The following EYS variants were observed in gnomAD, a reference collection of about 807,000 sequenced individuals.
EYS encodes the protein EGF-like photoreceptor maintenance factor.
Under a neutral mutation model 282.1 loss-of-function variants are expected in EYS, and 250 were observed. The observed-to-expected ratio is 0.89, with a 90% CI of 0.80 to 0.98. EYS has a LOEUF of 0.98. Among genes scored for constraint, EYS ranks in the 50% least tolerant of loss-of-function variants. The probability of loss-of-function intolerance (pLI) is 0.00; values close to 1 mark genes in which losing one functional copy is unlikely to be tolerated. For missense variants in EYS, 4,016 were observed against 3,709.0 expected (o/e 1.08, Z -2.15); for synonymous variants, 1,355 against 1,282.9 (o/e 1.06, Z -1.20).
chr6:64,258,431 A>T (rs1483316059), intron 30 of EYS, among the ~76,000 whole-genome samples: 1 of 152,076 alleles, frequency 6.6e-6, no homozygotes, highest in Non-Finnish European at 1.5e-5. Context: ...ACTGTTTAAT[A>T]CAAATGCAGG....
At chr6:64,678,723 G>A (rs1309211215) in intron 22 of EYS, among the ~76,000 whole-genome samples, 2 of 151,548 alleles carry the variant, frequency 1.3e-5, no homozygotes, top group East Asian at 3.9e-4. Flanking sequence ...AGTGGCTCTC[G>A]CCTGTCATCC....
intron 22 of EYS, among the ~76,000 whole-genome samples, chr6:64,787,499 T>C (rs1176586116): frequency 6.6e-6 from 1 of 151,880 alleles, no homozygotes; most frequent in Non-Finnish European, 1.5e-5. Context: ...ATTTTCTGTT[T>C]TCTTTTCATT....
At chr6:65,271,152 A>ATATATATATATATATG (rs1237319889) in intron 12 of EYS, among the ~76,000 whole-genome samples, 2 of 138,698 alleles carry the variant, frequency 1.4e-5, no homozygotes, top group African/African-American at 5.2e-5. Context: ...ATATATATAT[A>ATATATATATATATATG]TGAAGATTTA....
chr6:64,851,068 T>C (rs1421569091), intron 19 of EYS, among the ~76,000 whole-genome samples: 1 of 152,078 alleles, frequency 6.6e-6, no homozygotes, highest in Admixed American at 6.6e-5. Flanking sequence ...TCAATTAGCA[T>C]ATTTAACAAG....
chr6:65,051,591 T>C (rs1773270817), intron 13 of EYS, among the ~76,000 whole-genome samples: 1 of 151,596 alleles, frequency 6.6e-6, no homozygotes, highest in African/African-American at 2.4e-5. Context: ...TTTTTAAGTA[T>C]ATAATACATT....
chr6:65,606,576 G>A (rs1285978551), intron 2 of EYS, among the ~76,000 whole-genome samples: 3 of 151,706 alleles, frequency 2.0e-5, no homozygotes, highest in Non-Finnish European at 4.4e-5. Context: ...AATGACAATC[G>A]TAATTAATTA....
At chr6:64,223,173 C>T (rs1321833390) in intron 31 of EYS, among the ~76,000 whole-genome samples, 1 of 151,916 alleles carries the variant, frequency 6.6e-6, no homozygotes, top group Non-Finnish European at 1.5e-5. Context: ...CACTGAATAC[C>T]AATTTTTTTC....
At chr6:65,174,069 C>T (rs968409206) in intron 12 of EYS, among the ~76,000 whole-genome samples, 14 of 150,886 alleles carry the variant, frequency 9.3e-5, no homozygotes, top group Non-Finnish European at 1.3e-4. Flanking sequence ...ATAATAAAAG[C>T]TACAAGAAAA....
In EYS at chr6:64,149,659, G is replaced by C. The variant is rs145293564; in HGVS notation, c.6425-67657C>G. Among the ~76,000 whole-genome samples the C allele has an allele frequency of 9.8e-5, 15 of 152,292 alleles. No individual in the cohort carries two copies. In the East Asian group the frequency reaches 2.7e-3, roughly 27 times the overall value. ...CAAGTATATGAAATAGGCATGTCCA[G>C]TTTATAAATGAGGAACTAAAATAGA... On this transcript the variant is annotated intron_variant, in intron 31 of 42. Transcript: ENST00000503581.
chr6:63,830,820 G>T (rs1447118566), intron 36 of EYS, among the ~76,000 whole-genome samples: 3 of 152,176 alleles, frequency 2.0e-5, no homozygotes. Context: ...CAGAGAGAAA[G>T]GTCAGGTTAC....
rs554534103 is a variant in EYS, at chr6:65,009,762, G to A, written c.2138-12059C>T. ...TTTCCTCGCTACCTGTGGCTACAAGGTTTCCAAACAAAAGGCTCAGCTCTG... is the reference window on the plus strand; with the variant it reads ...TTTCCTCGCTACCTGTGGCTACAAGATTTCCAAACAAAAGGCTCAGCTCTG... On this transcript the variant is annotated intron_variant, in intron 13 of 42. Coordinates refer to ENST00000503581, the MANE Select transcript of EYS (RefSeq NM_001142800.2). 3.9e-5 allele frequency among the ~76,000 whole-genome samples: 6 copies of A among 152,258 alleles called. No homozygotes were observed. The East Asian group carries it at 1.2e-3, about 29-fold the overall frequency.
At chr6:64,571,185 G>C (rs1765714412) in intron 26 of EYS, among the ~76,000 whole-genome samples, 1 of 152,078 alleles carries the variant, frequency 6.6e-6, no homozygotes, top group African/African-American at 2.4e-5. Flanking sequence ...TGACACACTA[G>C]TTAAATAACA....
In EYS at chr6:63,806,332, G is replaced by A. The variant is rs537662286; in HGVS notation, c.7269C>T (p.Ala2423=). 1.3e-6 allele frequency: 2 copies of A among 1,550,932 alleles called. No individual in the cohort carries two copies. Among genetic ancestry groups the A allele is most frequent in the Admixed American group, 3.9e-5 (2 of 50,960 alleles). The change falls in exon 37 of 43, where the codon GCC becomes GCT. Residue 2423 remains alanine (A), a synonymous_variant. Coordinates refer to ENST00000503581, the MANE Select transcript of EYS (RefSeq NM_001142800.2). Reference sequence around the variant, plus strand: ...AAGCCAGGAATGAGGTGTATCCAAAGGCATCTGTGCCACTGAACCTTGGCT... The same window carrying A: ...AAGCCAGGAATGAGGTGTATCCAAAAGCATCTGTGCCACTGAACCTTGGCT... ...ITQPRFSGTD[A]FGYTSFLAYS...
chr6:65,317,825 C>CCTTCCTTCCTTTCTTTCTTTCTTT (rs1562092985), intron 11 of EYS, among the ~76,000 whole-genome samples: 7 of 81,268 alleles, frequency 8.6e-5, no homozygotes, highest in Admixed American at 1.2e-4. Flanking sequence ...TTCCTTCCTT[C>CCTTCCTTCCTTTCTTTCTTTCTTT]CTTTCTTTCT....
chr6:64,578,696 A>C (rs1765967214), intron 26 of EYS, among the ~76,000 whole-genome samples: 1 of 151,824 alleles, frequency 6.6e-6, no homozygotes. Flanking sequence ...AGAGGGCATA[A>C]AATTTCTGTC....
chr6:64,002,992 C>G (rs1175518093), intron 33 of EYS, among the ~76,000 whole-genome samples: 3 of 152,128 alleles, frequency 2.0e-5, no homozygotes, highest in Non-Finnish European at 4.4e-5. Flanking sequence ...TCTGTTGTTT[C>G]CTGGATTCCA....
intron 31 of EYS, among the ~76,000 whole-genome samples, chr6:64,101,288 T>C (rs1339973467): frequency 6.6e-6 from 1 of 152,170 alleles, no homozygotes; most frequent in Non-Finnish European, 1.5e-5. Context: ...ATTTTGAAGA[T>C]TGTGTAGATT....
chr6:64,179,882 A>G (rs140632054), intron 31 of EYS, among the ~76,000 whole-genome samples: 1 of 152,250 alleles, frequency 6.6e-6, no homozygotes, highest in African/African-American at 2.4e-5. Context: ...AAGCATATTC[A>G]AAGAGGGAGC....
chr6:65,113,071 A>T (rs1010405264), intron 12 of EYS, among the ~76,000 whole-genome samples: 42 of 152,206 alleles, frequency 2.8e-4, no homozygotes, highest in African/African-American at 9.9e-4. Context: ...TATAAGATTT[A>T]AAAATGTCAG....
Sources: allele counts gnomAD v4.1 joint callset (sites outside exome capture counted in the v4.1 genomes callset), GRCh38; gene constraint gnomAD v4.1.1; transcripts MANE v1.5; gene names NCBI Gene and HGNC (gene_info 2026-07-23, HGNC 2026-07-21).